Variants in CCL28 observed in about 807,000 individuals in gnomAD.
CCL28 encodes C-C motif chemokine ligand 28, also known as C-C motif chemokine 28.
Under a neutral mutation model 7.1 loss-of-function variants are expected in CCL28, and 4 were observed. That is an observed-to-expected ratio of 0.56 (90% CI 0.28 to 1.29). The LOEUF (loss-of-function observed/expected upper bound fraction) is 1.29, where lower values mean the gene tolerates loss of function less well. CCL28 is among the 50% of genes most tolerant of loss of function. CCL28 has a pLI of 0.11. For missense variants in CCL28, 151 were observed against 163.4 expected (o/e 0.92, Z 0.41); for synonymous variants, 55 against 57.8 (o/e 0.95, Z 0.22).
chr5:43,399,841 T>A (rs1162182912), intron 1 of CCL28, among the ~76,000 whole-genome samples: 1 of 151,162 alleles, frequency 6.6e-6, no homozygotes, highest in Non-Finnish European at 1.5e-5. Context: ...TATGGTGTTA[T>A]TTCTTTTCTT....
intron 2 of CCL28, among the ~76,000 whole-genome samples, chr5:43,385,727 G>T (rs967662586): frequency 1.3e-5 from 2 of 152,154 alleles, no homozygotes; most frequent in African/African-American, 4.8e-5. Context: ...AGCACAGAGA[G>T]GTCAATTTAC....
Position 43,381,916 on chromosome 5 carries a change from T to C in CCL28, c.328A>G (p.Ser110Gly), listed in dbSNP as rs201008741. 7.1e-5 allele frequency: 115 copies of C among 1,614,078 alleles called. No individual in the cohort carries two copies. Among genetic ancestry groups the C allele is most frequent in the Non-Finnish European group, 9.5e-5 (112 of 1,180,036 alleles). The change falls in exon 3 of 3, where the codon AGT becomes GGT. Residue 110 changes from serine to glycine, a missense_variant. Ser to Gly is a moderately conservative substitution (Grantham distance 56). Transcript: ENST00000361115. ...TGTTTCCCCTGATGTGCCCTGTTAC[T>C]GTTCCTCTTGCCATGGTGTTTCTTC... ...HRKKHHGKRN[S>G]NRAHQGKHET...
intron 1 of CCL28, among the ~76,000 whole-genome samples, chr5:43,400,877 G>A (rs759771382): frequency 2.6e-5 from 4 of 152,076 alleles, no homozygotes; most frequent in African/African-American, 4.8e-5. Flanking sequence ...GGTGTCAGGA[G>A]TTCGAGACAG....
intron 1 of CCL28, among the ~76,000 whole-genome samples, chr5:43,390,423 G>A (rs750230509): frequency 1.3e-5 from 2 of 152,190 alleles, no homozygotes; most frequent in Non-Finnish European, 2.9e-5. Flanking sequence ...GAGGTATAAT[G>A]CAAGACTTTG....
intron 1 of CCL28, among the ~76,000 whole-genome samples, chr5:43,411,305 T>C (rs1741528647): frequency 6.6e-6 from 1 of 152,220 alleles, no homozygotes; most frequent in South Asian, 2.1e-4. Flanking sequence ...AAAAGAGTCA[T>C]TGGTCAAGTA....
chr5:43,386,830 C>A (rs1740354697), intron 2 of CCL28, among the ~76,000 whole-genome samples: 1 of 152,118 alleles, frequency 6.6e-6, no homozygotes, highest in Admixed American at 6.5e-5. Flanking sequence ...TTTCAAATTC[C>A]AGAGATCATC....
downstream of CCL28, among the ~76,000 whole-genome samples, chr5:43,372,140 C>A (rs1283431915): frequency 1.3e-5 from 2 of 152,192 alleles, no homozygotes. Flanking sequence ...ATGACCCAAA[C>A]ACCTCCCATT....
In CCL28 at chr5:43,382,654, G is replaced by A. The variant is rs546641269; in HGVS notation, c.192-602C>T. The stretch of plus-strand genomic sequence containing the variant: ...AGGAGGAATAGTCTAGAAGTGTCTT[G>A]AAAACGCCTTATTCAAAACTGAAAC... On this transcript the variant is annotated intron_variant, in intron 2 of 2. Coordinates refer to ENST00000361115, the MANE Select transcript of CCL28 (RefSeq NM_148672.3). Among the ~76,000 whole-genome samples, 7 of 152,200 alleles carry A rather than the reference G, an allele frequency of 4.6e-5. No homozygotes were observed. In the East Asian group the frequency reaches 1.4e-3, roughly 29 times the overall value.
At chr5:43,398,071 T>G (rs1740886261) in intron 1 of CCL28, among the ~76,000 whole-genome samples, 1 of 152,240 alleles carries the variant, frequency 6.6e-6, no homozygotes, top group Non-Finnish European at 1.5e-5. Flanking sequence ...CTAATTCAAG[T>G]GATTGTCACA....
At chr5:43,368,428 G>A in the CCL28 span, among the ~76,000 whole-genome samples, 1 of 152,164 alleles carries the variant, frequency 6.6e-6, no homozygotes, top group African/African-American at 2.4e-5. Flanking sequence ...AGGTTGGATG[G>A]TCATGTGGCC....
the CCL28 span, among the ~76,000 whole-genome samples, chr5:43,371,605 A>C: frequency 6.6e-6 from 1 of 152,330 alleles, no homozygotes; most frequent in East Asian, 1.9e-4. Flanking sequence ...GAGCCATCTG[A>C]GAGGGGAATC....
chr5:43,377,192 A>G (rs897278952), downstream of CCL28: 2 of 152,270 alleles, frequency 1.3e-5, no homozygotes, highest in Admixed American at 6.5e-5. Flanking sequence ...TACATCTTAC[A>G]TAAAGCCTAA....
downstream of CCL28, among the ~76,000 whole-genome samples, chr5:43,376,088 C>T (rs1739883250): frequency 6.6e-6 from 1 of 152,176 alleles, no homozygotes; most frequent in South Asian, 2.1e-4. Flanking sequence ...GATAATTTCC[C>T]TATCTTAAGG....
intron 1 of CCL28, among the ~76,000 whole-genome samples, chr5:43,395,216 CATATATATTTAT>C (rs1189757011): frequency 1.3e-5 from 2 of 148,490 alleles, no homozygotes; most frequent in African/African-American, 4.9e-5. Flanking sequence ...TATATATTTA[CATATATATTTAT>C]ATATTTATTA....
the CCL28 span, among the ~76,000 whole-genome samples, chr5:43,365,594 T>C: frequency 1.3e-5 from 2 of 152,122 alleles, no homozygotes; most frequent in Non-Finnish European, 2.9e-5. Context: ...CTCAGCATTT[T>C]TTCCTTCATT....
intron 2 of CCL28, 107 bp from the exon 3 acceptor site, chr5:43,382,159 C>T: frequency 2.2e-6 from 2 of 925,568 alleles, no homozygotes; most frequent in Non-Finnish European, 3.2e-6. Flanking sequence ...TTCCTAGAGA[C>T]TAAATTCAGA....
In CCL28 at chr5:43,403,431, A is replaced by C. The variant is rs532786337; in HGVS notation, c.64+8822T>G. ...GAGTGGACCTCCAGCAAACTCCAAC[A>C]GACCTGCAGCTGAGGGTCCTGACTG... On this transcript the variant is annotated intron_variant, in intron 1 of 2. Transcript: ENST00000361115. Among the ~76,000 whole-genome samples the C allele has an allele frequency of 2.7e-3, 417 of 152,386 alleles. 3 individuals are homozygous for C. The highest frequency in any genetic ancestry group is 4.0e-3 in the Non-Finnish European group (270 of 68,034).
At chr5:43,390,871 A>G (rs1229462381) in intron 1 of CCL28, among the ~76,000 whole-genome samples, 1 of 152,162 alleles carries the variant, frequency 6.6e-6, no homozygotes, top group Non-Finnish European at 1.5e-5. Context: ...GAACATCACA[A>G]TTTCTACTCA....
In CCL28 at chr5:43,382,036, T is replaced by C; in HGVS notation, c.208A>G (p.Arg70Gly). The change falls in exon 3 of 3, where the codon AGA (arginine) becomes GGA (glycine). Residue 70 changes from arginine to glycine, a missense_variant. By Grantham distance (125) the Arg-to-Gly change is moderately radical (BLOSUM62 -2). Coordinates refer to ENST00000361115, the MANE Select transcript of CCL28 (RefSeq NM_148672.3). ...TTGTGCGGGCTGACACAGATTCTTC[T>C]GCGCTTGACATGAAGGCTGTTAGAA... ...LAAVILHVKRRRICVSPHNHT... is the reference protein window; with the variant it reads ...LAAVILHVKRGRICVSPHNHT... 3.1e-6 allele frequency: 5 copies of C among 1,611,230 alleles called. No individual in the cohort carries two copies. The highest frequency in any genetic ancestry group is 4.2e-6 in the Non-Finnish European group (5 of 1,178,618).
Sources: allele counts gnomAD v4.1 joint callset (sites outside exome capture counted in the v4.1 genomes callset), GRCh38; gene constraint gnomAD v4.1.1; transcripts MANE v1.5; gene names NCBI Gene and HGNC (gene_info 2026-07-23, HGNC 2026-07-21).